The following USP7 variants were observed in gnomAD, a reference collection of about 807,000 sequenced individuals.
USP7 encodes the protein ubiquitin specific peptidase 7.
USP7 carries 9 observed loss-of-function variants against 162.9 expected under a neutral mutation model. That is an observed-to-expected ratio of 0.06 (90% confidence interval 0.03 to 0.10). The LOEUF is 0.10. Ranked by LOEUF, USP7 falls within the 10% of genes least tolerant of loss-of-function variation. The pLI, the probability that USP7 is intolerant of heterozygous loss-of-function variation, is 1.00. For synonymous variants in USP7, 562 were observed against 475.9 expected, an observed-to-expected ratio of 1.18 and a Z score of -2.35; for missense variants, 715 against 1,373.7, an observed-to-expected ratio of 0.52 and a Z score of 7.58.
intron 1 of USP7, among the ~76,000 whole-genome samples, chr16:8,954,565 T>C (rs1899703903): frequency 6.6e-6 from 1 of 152,222 alleles, no homozygotes; most frequent in African/African-American, 2.4e-5. Context: ...GAAGACAATT[T>C]AGCTGTAAGT....
At chr16:8,901,355 A>G (rs1033579687) in intron 18 of USP7, 121 bp from the exon 19 acceptor site, 2 of 690,822 alleles carry the variant, frequency 2.9e-6, no homozygotes, top group African/African-American at 1.8e-5. Flanking sequence ...TAGCTCAATG[A>G]CAAGTGAAAT....
At chr16:8,938,729 G>A (rs1898892685) in intron 1 of USP7, among the ~76,000 whole-genome samples, 1 of 151,890 alleles carries the variant, frequency 6.6e-6, no homozygotes, top group South Asian at 2.1e-4. Flanking sequence ...AAAAATTGGG[G>A]GGACGGGGGA....
intron 11 of USP7, among the ~76,000 whole-genome samples, chr16:8,909,743 T>C (rs1027443240): frequency 6.6e-6 from 1 of 152,164 alleles, no homozygotes; most frequent in Non-Finnish European, 1.5e-5. Flanking sequence ...CTGGCCAATA[T>C]GGTGAAACCC....
chr16:8,916,339 G>C (rs569919908), intron 8 of USP7, among the ~76,000 whole-genome samples, 163 bp downstream of exon 8: 1 of 152,280 alleles, frequency 6.6e-6, no homozygotes, highest in East Asian at 1.9e-4. Flanking sequence ...ATTCTTACCA[G>C]CCTTTATAAC....
chr16:8,945,450 T>C (rs1202800617), intron 1 of USP7, among the ~76,000 whole-genome samples: 6 of 152,204 alleles, frequency 3.9e-5, no homozygotes, highest in Non-Finnish European at 1.5e-5. Context: ...AATCTTGTTT[T>C]ATTTGTTCAT....
Position 8,916,565 on chromosome 16 carries a change from GAT to G in USP7, c.852-11_852-10del. ...TATCTAAAGTTTCCCACCTTTCAAAGATAAAACAAACAACTCCATTTAAAGCT... is the reference window on the plus strand; with the variant it reads ...TATCTAAAGTTTCCCACCTTTCAAAGAAAACAAACAACTCCATTTAAAGCT... On this transcript the variant is annotated splice_polypyrimidine_tract_variant and intron_variant, in intron 7 of 30. Transcript: ENST00000344836. The G allele has an allele frequency of 1.3e-6, 2 of 1,556,670 alleles. No individual in the cohort carries two copies. The highest frequency in any genetic ancestry group is 1.7e-6 in the Non-Finnish European group (2 of 1,160,212).
intron 30 of USP7, 46 bp downstream of exon 30, chr16:8,894,504 T>C (rs1458958470): frequency 6.3e-7 from 1 of 1,585,410 alleles, no homozygotes; most frequent in Non-Finnish European, 8.6e-7. Flanking sequence ...CACTTGTTTC[T>C]TAGTCTGAAA....
chr16:8,939,943 C>A (rs1298908164), intron 1 of USP7, among the ~76,000 whole-genome samples: 1 of 152,110 alleles, frequency 6.6e-6, no homozygotes, highest in African/African-American at 2.4e-5. Flanking sequence ...ACTAAAAATA[C>A]AAAAATTAGC....
At chr16:8,924,814 C>T (rs1304970466) in intron 2 of USP7, among the ~76,000 whole-genome samples, 8 of 152,212 alleles carry the variant, frequency 5.3e-5, no homozygotes, top group Non-Finnish European at 1.0e-4. Context: ...GCACTTCTAC[C>T]TTCTTTGAGA....
At chr16:8,900,113 G>A (rs933945942) in intron 21 of USP7, 1 of 381,842 alleles carries the variant, frequency 2.6e-6, no homozygotes, top group Admixed American at 4.5e-5. Context: ...CGTGAGTCAG[G>A]AAATCTGGGC....
At chr16:8,954,790 C>G (rs528133100) in intron 1 of USP7, among the ~76,000 whole-genome samples, 167 of 152,110 alleles carry the variant, frequency 1.1e-3, no homozygotes, top group African/African-American at 3.9e-3. Flanking sequence ...AAAACCCCCC[C>G]TCTACTAAAG....
At chr16:8,926,080 G>A (rs1008746112) in intron 2 of USP7, among the ~76,000 whole-genome samples, 2 of 152,076 alleles carry the variant, frequency 1.3e-5, no homozygotes, top group Non-Finnish European at 2.9e-5. Flanking sequence ...CGTGAACCCG[G>A]GAGGCGAAGC....
At chr16:8,958,908 A>G (rs1899905194) in intron 1 of USP7, among the ~76,000 whole-genome samples, 1 of 152,252 alleles carries the variant, frequency 6.6e-6, no homozygotes, top group South Asian at 2.1e-4. Flanking sequence ...CAGAGGCCGG[A>G]TGGCTTCTTC....
At position 8,898,448 on chromosome 16, in the gene USP7, A is replaced by G. The variant is rs769112464; in HGVS notation, c.2641-11T>C. ...GATTTTCATCTTAAGCTATTAAGAA[A>G]AGAAAGATTCACATCAGATACCGTC... On this transcript the variant is annotated splice_polypyrimidine_tract_variant and intron_variant, in intron 24 of 30. Transcript: ENST00000344836. The G allele has an allele frequency of 1.2e-6, 2 of 1,610,468 alleles. No homozygotes were observed. The highest frequency in any genetic ancestry group is 2.2e-5 in the South Asian group (2 of 90,342).
intron 4 of USP7, 75 bp downstream of exon 4, chr16:8,921,082 T>C (rs1897667778): frequency 1.3e-6 from 2 of 1,498,650 alleles, no homozygotes; most frequent in Admixed American, 2.0e-5. Flanking sequence ...AATAAAGGAC[T>C]TGAAAAATCA....
chr16:8,936,855 A>C, intron 1 of USP7: 1 of 872,020 alleles, frequency 1.1e-6, no homozygotes, highest in Non-Finnish European at 1.5e-6. Flanking sequence ...AAAGAATCTG[A>C]CTTTGGTTAA....
chr16:8,931,773 A>G (rs974654862), intron 1 of USP7, among the ~76,000 whole-genome samples: 2 of 152,206 alleles, frequency 1.3e-5, no homozygotes, highest in African/African-American at 4.8e-5. Context: ...TAATCACAGC[A>G]GGACTTTTAG....
intron 3 of USP7, among the ~76,000 whole-genome samples, chr16:8,922,973 C>A (rs758205794): frequency 5.3e-5 from 8 of 152,210 alleles, no homozygotes; most frequent in Non-Finnish European, 7.3e-5. Context: ...GTCAGCTAAT[C>A]CAGGCCGGCC....
chr16:8,930,417 A>T lies in USP7; in HGVS notation c.80-20T>A. 1 of 1,584,790 alleles carries T rather than the reference A, an allele frequency of 6.3e-7. No homozygotes were observed. Among genetic ancestry groups the T allele is most frequent in the Non-Finnish European group, 8.6e-7 (1 of 1,161,278 alleles). ...CTCCCGCTTTAAAGAAGAAAAAGAA[A>T]TTCCACGGGTTTTACATTCATGGCT... On this transcript the variant is annotated intron_variant, in intron 1 of 30. Transcript: ENST00000344836.
Sources: gnomAD v4.1 joint callset for allele counts (sites outside exome capture counted in the v4.1 genomes callset) on GRCh38, gnomAD v4.1.1 for gene constraint, MANE v1.5 for transcripts, NCBI Gene and HGNC (gene_info 2026-07-23, HGNC 2026-07-21) for gene names.